FNDC3B: variants seen among roughly 807,000 people sequenced by gnomAD.
FNDC3B encodes the protein fibronectin type III domain containing 3B.
In FNDC3B, 12 loss-of-function variants were observed where a neutral mutation model predicts 151.5. The ratio of observed to expected loss-of-function variants is 0.08; its 90% confidence interval spans 0.05 to 0.13. FNDC3B has a LOEUF of 0.13. FNDC3B is among the 10% of genes least tolerant of loss of function. FNDC3B has a pLI of 1.00. For synonymous variants in FNDC3B, 528 were observed against 549.0 expected, an observed-to-expected ratio of 0.96 and a Z score of 0.54; for missense variants, 1,214 against 1,505.3, an observed-to-expected ratio of 0.81 and a Z score of 3.20.
chr3:172,099,888 G>T (rs1400991426), intron 1 of FNDC3B, among the ~76,000 whole-genome samples: 1 of 152,170 alleles, frequency 6.6e-6, no homozygotes, highest in East Asian at 1.9e-4. Flanking sequence ...TAACTTGCTT[G>T]TGTGGAGCAA....
At chr3:172,323,023 T>A (rs1262361039) in intron 11 of FNDC3B, among the ~76,000 whole-genome samples, 1 of 143,936 alleles carries the variant, frequency 6.9e-6, no homozygotes, top group Middle Eastern at 3.4e-3. Context: ...GCAAAGTGTT[T>A]TAGTTTTTGT....
intron 9 of FNDC3B, chr3:172,302,556 C>T (rs1730966511): frequency 6.6e-6 from 1 of 152,198 alleles, no homozygotes; most frequent in South Asian, 2.1e-4. Context: ...CATTCTTACA[C>T]GTCTGTTCAG....
intron 6 of FNDC3B, among the ~76,000 whole-genome samples, chr3:172,274,841 C>T (rs1729359599): frequency 6.6e-6 from 1 of 152,148 alleles, no homozygotes; most frequent in African/African-American, 2.4e-5. Flanking sequence ...ATTTCCTCCT[C>T]TTCTAAGGAC....
rs972200625 is a variant in FNDC3B, at chr3:172,237,721, T to C, written c.265-9812T>C. On this transcript the variant is annotated intron_variant, in intron 4 of 25. Coordinates refer to ENST00000415807, the MANE Select transcript of FNDC3B (RefSeq NM_022763.4). ...ATTAACTGATTAGCGAAAACCTTCA[T>C]TTTGATCACCTATAAAACAGACAAA... is the stretch of plus-strand genomic sequence containing the variant. The C allele has an allele frequency of 2.0e-5, 3 of 152,220 alleles. No individual in the cohort carries two copies. The South Asian group carries it at 6.2e-4, about 31-fold the overall frequency. The allele number at this position is 152,220 out of a possible 1,614,324, so 9.4% of individuals were successfully genotyped here. A position where few individuals can be genotyped will look rare whatever the true frequency, so the allele number is the denominator to read the frequency against.
At chr3:172,365,216 T>A (rs911682856) in intron 23 of FNDC3B, among the ~76,000 whole-genome samples, 1 of 152,224 alleles carries the variant, frequency 6.6e-6, no homozygotes, top group East Asian at 1.9e-4. Flanking sequence ...GGACCTGGCT[T>A]CTGCAGTTGA....
intron 11 of FNDC3B, 22 bp downstream of exon 11, chr3:172,310,903 C>A: frequency 6.4e-7 from 1 of 1,574,494 alleles, no homozygotes; most frequent in Non-Finnish European, 8.7e-7. Flanking sequence ...TTCATATTCA[C>A]CCATCTAAAA....
In FNDC3B at chr3:172,174,933, A is replaced by ACC. The variant is rs1269639185; in HGVS notation, c.187+41399_187+41400dup. Reference sequence around the variant, plus strand: ...GGACTTTGGAGACCTTCCCCCCGCCACCCCCCCCCCCCCAATACAATTTGC... The same window carrying ACC: ...GGACTTTGGAGACCTTCCCCCCGCCACCCCCCCCCCCCCCCAATACAATTTGC... On this transcript the variant is annotated intron_variant, in intron 3 of 25. Coordinates refer to ENST00000415807, the MANE Select transcript of FNDC3B (RefSeq NM_022763.4). Among the ~76,000 whole-genome samples the ACC allele has an allele frequency of 4.8e-3, 87 of 18,306 alleles. 6 individuals are homozygous for ACC. Among genetic ancestry groups the ACC allele is most frequent in the African/African-American group, 8.3e-3 (48 of 5,812 alleles). The allele number at this position is 18,306 out of a possible 152,430, so 12.0% of individuals were successfully genotyped here.
chr3:172,189,472 A>C (rs1171412279), intron 3 of FNDC3B, among the ~76,000 whole-genome samples: 2 of 152,204 alleles, frequency 1.3e-5, no homozygotes, highest in African/African-American at 4.8e-5. Context: ...GTATGAAAGT[A>C]GTGCCTTCTT....
intron 4 of FNDC3B, among the ~76,000 whole-genome samples, chr3:172,245,221 T>G (rs1354336082): frequency 6.6e-6 from 1 of 152,172 alleles, no homozygotes; most frequent in Non-Finnish European, 1.5e-5. Context: ...AATGATCAAA[T>G]AAATTTTTTC....
chr3:172,192,467 G>C (rs981383311), intron 3 of FNDC3B, among the ~76,000 whole-genome samples: 53 of 152,044 alleles, frequency 3.5e-4, no homozygotes, highest in African/African-American at 1.2e-3. Context: ...TTACAGGTGT[G>C]AGCCACCGCG....
intron 18 of FNDC3B, 100 bp downstream of exon 18, chr3:172,343,216 A>G (rs1733427454): frequency 2.8e-6 from 2 of 714,660 alleles, no homozygotes; most frequent in South Asian, 3.0e-5. Flanking sequence ...TCTAAAGACC[A>G]TATACGTTTT....
chr3:172,149,348 A>G (rs1184048983), intron 3 of FNDC3B, among the ~76,000 whole-genome samples: 1 of 152,242 alleles, frequency 6.6e-6, no homozygotes, highest in East Asian at 1.9e-4. Context: ...GAGAAGAGGA[A>G]GAGGGTCCCC....
chr3:172,073,917 A>G (rs867092180), intron 1 of FNDC3B, among the ~76,000 whole-genome samples: 1 of 151,580 alleles, frequency 6.6e-6, no homozygotes, highest in Non-Finnish European at 1.5e-5. Context: ...TTCTCCCCTG[A>G]TCCCTTCCCC....
At position 172,335,003 on chromosome 3, in the gene FNDC3B, G is replaced by C. The variant is rs768206589; in HGVS notation, c.1701G>C (p.Thr567=). The change falls in exon 15 of 26, where the codon ACG becomes ACC. Residue 567 remains threonine, a synonymous_variant. Transcript: ENST00000415807. ...SCPSEVLVCT[T]SPDRPGPPTR... ...CAAGCGAAGTTCTTGTTTGTACGAC[G>C]AGTCCTGACAGGCCTGGACCTCCTA... 3 of 1,613,640 alleles carry C rather than the reference G, an allele frequency of 1.9e-6. No individual in the cohort carries two copies. Among genetic ancestry groups the C allele is most frequent in the African/African-American group, 1.3e-5 (1 of 74,872 alleles).
chr3:172,178,446 A>C (rs1723720285), intron 3 of FNDC3B, among the ~76,000 whole-genome samples: 1 of 143,034 alleles, frequency 7.0e-6, no homozygotes, highest in Admixed American at 6.9e-5. Context: ...AGAAGATCAC[A>C]TGTTTTACTT....
intron 6 of FNDC3B, among the ~76,000 whole-genome samples, chr3:172,260,422 T>G (rs1037526644): frequency 6.6e-6 from 1 of 152,278 alleles, no homozygotes; most frequent in Non-Finnish European, 1.5e-5. Flanking sequence ...AAGGCTTCAT[T>G]TCTTTCTTGT....
chr3:172,345,689 T>C (rs1028185988), intron 19 of FNDC3B, among the ~76,000 whole-genome samples: 1 of 152,058 alleles, frequency 6.6e-6, no homozygotes, highest in Admixed American at 6.6e-5. Flanking sequence ...GTATCAAATA[T>C]GCCACCATTA....
At chr3:172,260,103 A>C (rs532484242) in intron 6 of FNDC3B, among the ~76,000 whole-genome samples, 1 of 152,386 alleles carries the variant, frequency 6.6e-6, no homozygotes, top group Non-Finnish European at 1.5e-5. Context: ...AGATGACATC[A>C]GAACCCATGT....
At chr3:172,370,344 T>A (rs921739728) in intron 23 of FNDC3B, among the ~76,000 whole-genome samples, 1 of 152,208 alleles carries the variant, frequency 6.6e-6, no homozygotes, top group African/African-American at 2.4e-5. Flanking sequence ...TAAAGGAACA[T>A]TTAAAGATTT....
Sources: allele counts gnomAD v4.1 joint callset (sites outside exome capture counted in the v4.1 genomes callset), GRCh38; gene constraint gnomAD v4.1.1; transcripts MANE v1.5; gene names NCBI Gene and HGNC (gene_info 2026-07-23, HGNC 2026-07-21).